ZHX3: variants seen among roughly 807,000 people sequenced by gnomAD.
ZHX3 encodes the protein zinc fingers and homeoboxes 3.
ZHX3 carries 20 observed loss-of-function variants against 64.5 expected under a neutral mutation model. The observed-to-expected ratio is 0.31, with a 90% CI of 0.22 to 0.45. The LOEUF is 0.45. Among genes scored for constraint, ZHX3 ranks in the 20% least tolerant of loss-of-function variants. ZHX3 has a pLI of 1.00. For missense variants in ZHX3, 1,041 were observed against 1,195.8 expected (o/e 0.87, Z 1.91); for synonymous variants, 423 against 461.6 (o/e 0.92, Z 1.07).
At chr20:41,274,283 T>C (rs1016922140) in intron 1 of ZHX3, among the ~76,000 whole-genome samples, 3 of 152,250 alleles carry the variant, frequency 2.0e-5, no homozygotes, top group Non-Finnish European at 4.4e-5. Flanking sequence ...GCACGAAGCT[T>C]ATTTGTTCAC....
rs558442907 is a variant in ZHX3 at position 41,198,371 on chromosome 20, G to A, written c.2860+3686C>T. 3.9e-5 allele frequency among the ~76,000 whole-genome samples: 6 copies of A among 152,066 alleles called. No individual in the cohort carries two copies. The South Asian group carries it at 1.2e-3, about 32-fold the overall frequency. On this transcript the variant is annotated intron_variant, in intron 3 of 3. Transcript: ENST00000683867. ...ATGAAGGACTCCCTTTAGCATTTCT[G>A]GTAGGGCATGTCTACTAATAATGAT...
chr20:41,184,814 T>C lies in ZHX3; in HGVS notation c.*377A>G. On this transcript the variant is annotated 3_prime_UTR_variant, in exon 4 of 4. Transcript: ENST00000683867. ...GCACTGCTTGGCTAACCAAAGTTTC[T>C]ACGTAATGACAGTGTTGATAATCTG... The C allele has an allele frequency of 7.4e-7, 1 of 1,354,668 alleles. No individual in the cohort carries two copies. The highest frequency in any genetic ancestry group is 9.8e-7 in the Non-Finnish European group (1 of 1,019,984). 83.9% of individuals were successfully genotyped at this position (1,354,668 alleles called of 1,614,324 possible). A position where few individuals can be genotyped will look rare whatever the true frequency, so the allele number is the denominator to read the frequency against.
At chr20:41,213,505 G>A (rs1034346120) in intron 2 of ZHX3, among the ~76,000 whole-genome samples, 2 of 152,200 alleles carry the variant, frequency 1.3e-5, no homozygotes, top group African/African-American at 4.8e-5. Context: ...AGGTTTGCCA[G>A]AGGAGAGGGA....
At chr20:41,234,941 T>C (rs1219660135) in intron 2 of ZHX3, among the ~76,000 whole-genome samples, 2 of 152,258 alleles carry the variant, frequency 1.3e-5, no homozygotes, top group African/African-American at 4.8e-5. Flanking sequence ...AACTGGCAGA[T>C]AGTTCAAGGT....
intron 1 of ZHX3, among the ~76,000 whole-genome samples, chr20:41,305,017 C>T (rs2044932717): frequency 6.6e-6 from 1 of 152,166 alleles, no homozygotes; most frequent in South Asian, 2.1e-4. Context: ...TGAACAAGGA[C>T]CATTACACAG....
intron 2 of ZHX3, among the ~76,000 whole-genome samples, chr20:41,248,765 T>C (rs1169781434): frequency 6.6e-6 from 1 of 152,220 alleles, no homozygotes; most frequent in African/African-American, 2.4e-5. Flanking sequence ...AGTTTATGGC[T>C]ATGTTTTTCT....
intron 2 of ZHX3, among the ~76,000 whole-genome samples, chr20:41,234,806 C>A (rs769585385): frequency 5.3e-4 from 80 of 152,320 alleles, no homozygotes; most frequent in Non-Finnish European, 9.4e-4. Context: ...CTCGGCCAGG[C>A]CTTCCTGCTG....
At position 41,204,017 on chromosome 20, in the gene ZHX3, C is replaced by T; in HGVS notation, c.900G>A (p.Met300Ile). The change falls in exon 3 of 4, where the codon ATG (methionine) becomes ATA (isoleucine). Residue 300 changes from methionine (M) to isoleucine (I), a missense_variant. Transcript: ENST00000683867. The surrounding 1 kb of genome is among the most constrained non-coding windows in gnomAD (Gnocchi z 6.6). The stretch of plus-strand genomic sequence containing the variant: ...ACGTTGGAATGCTGCTCAGGGGGAT[C>T]ATCACTTTGGGAAGGGCCTTGGCCG... ...LPTAKALPKV[M>I]IPLSSIPTYN... The T allele has an allele frequency of 6.2e-7, 1 of 1,614,198 alleles. No individual in the cohort carries two copies. Among genetic ancestry groups the T allele is most frequent in the Non-Finnish European group, 8.5e-7 (1 of 1,180,036 alleles).
chr20:41,251,918 T>A (rs1463529174), intron 2 of ZHX3, among the ~76,000 whole-genome samples: 1 of 152,204 alleles, frequency 6.6e-6, no homozygotes, highest in Non-Finnish European at 1.5e-5. Flanking sequence ...TATCAAGATA[T>A]CACTAAGGGA....
intron 1 of ZHX3, among the ~76,000 whole-genome samples, chr20:41,298,655 T>C (rs189732486): frequency 1.6e-4 from 25 of 152,216 alleles, no homozygotes; most frequent in Non-Finnish European, 1.9e-4. Flanking sequence ...TCCATGAGAG[T>C]GGGTGTCAGC....
At chr20:41,279,668 G>C (rs2043572810) in intron 1 of ZHX3, among the ~76,000 whole-genome samples, 1 of 152,092 alleles carries the variant, frequency 6.6e-6, no homozygotes. Context: ...AGAGTAATAA[G>C]TTCACAGCAG....
At chr20:41,302,082 A>G (rs13036782) in intron 1 of ZHX3, among the ~76,000 whole-genome samples, 2 of 143,634 alleles carry the variant, frequency 1.4e-5, no homozygotes, top group South Asian at 2.2e-4. Flanking sequence ...AAAAAAAAAA[A>G]GGAACAGGCC....
intron 1 of ZHX3, among the ~76,000 whole-genome samples, chr20:41,280,122 AATCCCTGGACGTAT>A (rs1292223234): frequency 6.6e-6 from 1 of 152,182 alleles, no homozygotes; most frequent in African/African-American, 2.4e-5. Context: ...CAGCTGACTG[AATCCCTGGACGTAT>A]ATCCCTGGTA....
Position 41,278,456 on chromosome 20 carries a change from T to C in ZHX3, c.-244-9373A>G, listed in dbSNP as rs776681900. Among the ~76,000 whole-genome samples the C allele has an allele frequency of 1.1e-4, 16 of 141,010 alleles. 4 individuals carry two copies. The highest frequency in any genetic ancestry group is 2.5e-4 in the Non-Finnish European group (16 of 64,412). The allele number at this position is 141,010 out of a possible 152,430, so 92.5% of individuals were successfully genotyped here. On this transcript the variant is annotated intron_variant, in intron 1 of 3. Coordinates refer to ENST00000683867, the MANE Select transcript of ZHX3 (RefSeq NM_001384317.1). ...TGATGCACATGCACAATTTTAACCA[T>C]ACTGGGATCATACTGCACATATTGG...
intron 2 of ZHX3, among the ~76,000 whole-genome samples, chr20:41,235,344 C>G (rs1425743052): frequency 6.6e-6 from 1 of 152,146 alleles, no homozygotes; most frequent in East Asian, 1.9e-4. Context: ...ACCAATATCC[C>G]TGATGAACAT....
rs2036356220 is a variant in ZHX3, at chr20:41,184,365, A to T, written c.*826T>A. 6.5e-6 allele frequency: 1 copy of T among 153,076 alleles called. No individual in the cohort carries two copies. The highest frequency in any genetic ancestry group is 1.5e-5 in the Non-Finnish European group (1 of 68,738). The allele number at this position is 153,076 out of a possible 1,614,324, so 9.5% of individuals were successfully genotyped here. ...AAAAAATGCAGGCACATAGGTCAGCACATTAGGCTTAACAACAAATGTTTC... is the reference window on the plus strand; with the variant it reads ...AAAAAATGCAGGCACATAGGTCAGCTCATTAGGCTTAACAACAAATGTTTC... On this transcript the variant is annotated 3_prime_UTR_variant, in exon 4 of 4. Transcript: ENST00000683867.
Position 41,317,582 on chromosome 20 carries a change from C to T in ZHX3, c.-318G>A, listed in dbSNP as rs918611572. On this transcript the variant is annotated 5_prime_UTR_variant, in exon 1 of 4. Transcript: ENST00000683867. ...CGCTGCGGGCCTCCCTCCCCGCGGC[C>T]GGGCGGGCGGCCGGCGCAGGCCCCG... The T allele has an allele frequency of 3.4e-5, 5 of 147,068 alleles. No homozygotes were observed. The highest frequency in any genetic ancestry group is 6.1e-5 in the Non-Finnish European group (4 of 66,104). 9.1% of individuals were successfully genotyped at this position (147,068 alleles called of 1,614,324 possible).
chr20:41,279,013 G>A (rs943464707), intron 1 of ZHX3, among the ~76,000 whole-genome samples: 54 of 152,202 alleles, frequency 3.5e-4, no homozygotes, highest in Middle Eastern at 3.4e-3. Flanking sequence ...TCCTGACCTC[G>A]TGATTTGCCC....
chr20:41,239,215 T>C (rs2041221784), intron 2 of ZHX3, among the ~76,000 whole-genome samples: 1 of 151,794 alleles, frequency 6.6e-6, no homozygotes, highest in Non-Finnish European at 1.5e-5. Flanking sequence ...TTCACCATGT[T>C]AGCCAGGATG....
Sources: gnomAD v4.1 joint callset for allele counts (sites outside exome capture counted in the v4.1 genomes callset) on GRCh38, gnomAD v4.1.1 for gene constraint, Gnocchi (gnomAD v3.1) non-coding constraint, MANE v1.5 for transcripts, NCBI Gene and HGNC (gene_info 2026-07-23, HGNC 2026-07-21) for gene names.